ORMDL1: variants seen among roughly 807,000 people sequenced by gnomAD.
ORMDL1 encodes ORMDL sphingolipid biosynthesis regulator 1.
In ORMDL1, 10 loss-of-function variants were observed where a neutral mutation model predicts 13.0. The ratio of observed to expected loss-of-function variants is 0.77; its 90% CI spans 0.47 to 1.30. ORMDL1 has a LOEUF of 1.30. Among genes scored for constraint, ORMDL1 ranks in the 50% most tolerant of loss-of-function variants. ORMDL1 has a pLI of 0.00. For synonymous variants in ORMDL1, 61 were observed against 63.9 expected (o/e 0.95, Z 0.22); for missense variants, 171 against 186.7 (o/e 0.92, Z 0.49).
chr2:189,775,156 A>G (rs2047664508), intron 4 of ORMDL1: 1 of 154,292 alleles, frequency 6.5e-6, no homozygotes, highest in Non-Finnish European at 1.4e-5. Context: ...CTCTTTCCCA[A>G]GGAGTCTGAA....
chr2:189,765,839 A>ATTTTTTTTTTTTTTTTTTTTTTT, downstream of ORMDL1, among the ~76,000 whole-genome samples: 1 of 106,750 alleles, frequency 9.4e-6, no homozygotes, highest in Non-Finnish European at 1.8e-5. Context: ...TACTTTCTCC[A>ATTTTTTTTTTTTTTTTTTTTTTT]TTTTTTTTTT....
chr2:189,771,669 T>A lies in ORMDL1; in HGVS notation c.*98A>T. On this transcript the variant is annotated 3_prime_UTR_variant, in exon 5 of 5. Coordinates refer to ENST00000392349, the MANE Select transcript of ORMDL1 (RefSeq NM_016467.5). ...ATTGGCCCTCCAATGTAAATACTTC[T>A]CATTTCACATTATCACAGAAACAGT... 1 of 1,105,152 alleles carries A rather than the reference T, an allele frequency of 9.0e-7. No individual in the cohort carries two copies. Among genetic ancestry groups the A allele is most frequent in the Non-Finnish European group, 1.3e-6 (1 of 796,986 alleles). 68.5% of individuals were successfully genotyped at this position (1,105,152 alleles called of 1,614,324 possible). A position where few individuals can be genotyped will look rare whatever the true frequency, so the allele number is the denominator to read the frequency against.
In ORMDL1 at chr2:189,772,004, T is replaced by C. The variant is rs183724255; in HGVS notation, c.327-102A>G. On this transcript the variant is annotated intron_variant, in intron 4 of 4. Transcript: ENST00000392349. ...GAAAAAAAGGCCACTAAAGCATAAA[T>C]ACCTAAAAATGAAACTATTTTTGAG... is the stretch of plus-strand genomic sequence containing the variant. 124 of 860,522 alleles carry C rather than the reference T, an allele frequency of 1.4e-4. No homozygotes were observed. The African/African-American group carries it at 2.1e-3, about 15-fold the overall frequency. The allele number at this position is 860,522 out of a possible 1,614,324, so 53.3% of individuals were successfully genotyped here.
At chr2:189,768,957 ATTT>A (rs1288082280), downstream of ORMDL1, among the ~76,000 whole-genome samples, 1 of 152,198 alleles carries the variant, frequency 6.6e-6, no homozygotes, top group African/African-American at 2.4e-5. Flanking sequence ...TAAAGATTAG[ATTT>A]TTGACTCGAT....
chr2:189,774,504 C>T (rs2047651233), intron 4 of ORMDL1, among the ~76,000 whole-genome samples: 1 of 152,042 alleles, frequency 6.6e-6, no homozygotes, highest in South Asian at 2.1e-4. Flanking sequence ...TAAGGATTTC[C>T]AACACCTCCA....
At chr2:189,776,307 T>C (rs537150256) in intron 3 of ORMDL1, among the ~76,000 whole-genome samples, 3 of 152,300 alleles carry the variant, frequency 2.0e-5, no homozygotes, top group African/African-American at 7.2e-5. Context: ...TGTGCCTCAA[T>C]AGCATTTCTT....
At chr2:189,775,435 G>A in intron 4 of ORMDL1, 130 bp downstream of exon 4, 1 of 985,878 alleles carries the variant, frequency 1.0e-6, no homozygotes. Flanking sequence ...TATATTTTAT[G>A]TTCTATCCGA....
chr2:189,768,267 A>G (rs1380243163), downstream of ORMDL1, among the ~76,000 whole-genome samples: 1 of 152,176 alleles, frequency 6.6e-6, no homozygotes, highest in Non-Finnish European at 1.5e-5. Context: ...ACTTGTTCAC[A>G]TTGCTCACAT....
intron 4 of ORMDL1, chr2:189,775,154 C>T (rs1309515557): frequency 6.5e-6 from 1 of 154,076 alleles, no homozygotes; most frequent in Non-Finnish European, 1.4e-5. Context: ...TACTCTTTCC[C>T]AAGGAGTCTG....
At position 189,775,509 on chromosome 2, in the gene ORMDL1, A is replaced by G. The variant is rs2047674025; in HGVS notation, c.326+56T>C. ...TTCTAATTCCAATTCAATCTGATGA[A>G]AAGATATCTTCCTCTTATCCAATCC... On this transcript the variant is annotated intron_variant, in intron 4 of 4. Coordinates refer to ENST00000392349, the MANE Select transcript of ORMDL1 (RefSeq NM_016467.5). 21 of 1,470,392 alleles carry G rather than the reference A, an allele frequency of 1.4e-5. No homozygotes were observed. The South Asian group carries it at 2.9e-4, about 20-fold the overall frequency. The allele number at this position is 1,470,392 out of a possible 1,614,324, so 91.1% of individuals were successfully genotyped here. A position where few individuals can be genotyped will look rare whatever the true frequency, so the allele number is the denominator to read the frequency against.
chr2:189,775,657 AC>A lies in ORMDL1; in HGVS notation c.233del (p.Gly78ValfsTer6). On this transcript the variant is annotated frameshift_variant, in exon 4 of 5. Transcript: ENST00000392349. LOFTEE classifies it high-confidence loss of function. ...KGTPFETPDQ[G>X]KARLLTHWEQ... ...CCCAATGAGTTAGGAGCCTTGCTTTACCCTGGTCAGGAGTTTCGAAAGGTGT... is the reference window on the plus strand; with the variant it reads ...CCCAATGAGTTAGGAGCCTTGCTTTACCTGGTCAGGAGTTTCGAAAGGTGT... The A allele has an allele frequency of 1.2e-6, 2 of 1,613,978 alleles. No homozygotes were observed. The highest frequency in any genetic ancestry group is 1.1e-5 in the South Asian group (1 of 91,072).
chr2:189,767,476 C>T (rs1006709184), downstream of ORMDL1, among the ~76,000 whole-genome samples: 2 of 152,000 alleles, frequency 1.3e-5, no homozygotes, highest in Non-Finnish European at 2.9e-5. Context: ...TTGAAAACTC[C>T]GGGGTTTTCA....
chr2:189,775,492 C>T, intron 4 of ORMDL1, 73 bp downstream of exon 4: 3 of 1,424,540 alleles, frequency 2.1e-6, no homozygotes, highest in South Asian at 1.5e-5. Flanking sequence ...GTTTCTAATT[C>T]CAATTCAATC....
At chr2:189,764,682 A>ATGCT in the ORMDL1 span, among the ~76,000 whole-genome samples, 2 of 152,338 alleles carry the variant, frequency 1.3e-5, no homozygotes, top group East Asian at 3.9e-4. Flanking sequence ...TTCTCAAAAA[A>ATGCT]TATGGCCTAT....
chr2:189,776,004 T>C (rs1406385883), intron 3 of ORMDL1, among the ~76,000 whole-genome samples: 3 of 152,208 alleles, frequency 2.0e-5, no homozygotes, highest in Admixed American at 1.3e-4. Flanking sequence ...GCTTCATATC[T>C]TTACATTCAG....
downstream of ORMDL1, among the ~76,000 whole-genome samples, chr2:189,769,861 C>T (rs1330607316): frequency 6.6e-6 from 1 of 152,156 alleles, no homozygotes; most frequent in Non-Finnish European, 1.5e-5. Context: ...AAATTTGTGG[C>T]ATTTCTAAGC....
intron 3 of ORMDL1, among the ~76,000 whole-genome samples, chr2:189,781,942 A>G (rs577551726): frequency 1.3e-5 from 1 of 74,536 alleles, no homozygotes; most frequent in Non-Finnish European, 2.6e-5. Context: ...ACCATCTTAG[A>G]CACTTTTTTT....
At chr2:189,772,920 C>T (rs1035172540) in intron 4 of ORMDL1, among the ~76,000 whole-genome samples, 1 of 152,184 alleles carries the variant, frequency 6.6e-6, no homozygotes, top group Non-Finnish European at 1.5e-5. Flanking sequence ...CAATCTTCCA[C>T]CTATTTTGCA....
At chr2:189,778,712 T>C (rs1396099505) in intron 3 of ORMDL1, among the ~76,000 whole-genome samples, 2 of 151,964 alleles carry the variant, frequency 1.3e-5, no homozygotes, top group African/African-American at 4.8e-5. Context: ...CCGGCCAACA[T>C]GTTGAAACCC....
Sources: gnomAD v4.1 joint callset for allele counts (sites outside exome capture counted in the v4.1 genomes callset) on GRCh38, gnomAD v4.1.1 for gene constraint, MANE v1.5 for transcripts, NCBI Gene and HGNC (gene_info 2026-07-23, HGNC 2026-07-21) for gene names.